The following CAMK1D variants were observed in gnomAD, a reference collection of about 807,000 sequenced individuals.
CAMK1D encodes calcium/calmodulin-dependent protein kinase type 1D.
A neutral mutation model predicts 47.7 loss-of-function variants in CAMK1D; 9 were observed. The ratio of observed to expected loss-of-function variants is 0.19; its 90% confidence interval spans 0.11 to 0.33. CAMK1D has a LOEUF of 0.33. CAMK1D is among the 10% of genes least tolerant of loss of function. The probability of loss-of-function intolerance (pLI) is 1.00; values close to 1 mark genes in which losing one functional copy is unlikely to be tolerated. For synonymous variants in CAMK1D, 184 were observed against 184.9 expected (o/e 0.99, Z 0.04); for missense variants, 291 against 488.7 (o/e 0.60, Z 3.81).
chr10:12,728,356 G>GGGCAGC (rs1834748690), intron 3 of CAMK1D, among the ~76,000 whole-genome samples: 1 of 152,190 alleles, frequency 6.6e-6, no homozygotes, highest in Non-Finnish European at 1.5e-5. Context: ...ACAGATTCTT[G>GGGCAGC]GGCAGCGCTA....
At chr10:12,613,822 C>A (rs1366207242) in intron 2 of CAMK1D, among the ~76,000 whole-genome samples, 2 of 152,306 alleles carry the variant, frequency 1.3e-5, no homozygotes, top group Admixed American at 1.3e-4. Context: ...TCACAGAGTT[C>A]TGGGTACGGT....
intron 1 of CAMK1D, among the ~76,000 whole-genome samples, chr10:12,539,446 A>G (rs1836092322): frequency 6.6e-6 from 1 of 152,202 alleles, no homozygotes; most frequent in Admixed American, 6.5e-5. Context: ...AGGGATGGCC[A>G]GTTGGGATTA....
chr10:12,591,264 T>C (rs1837986138), intron 2 of CAMK1D, among the ~76,000 whole-genome samples: 2 of 152,168 alleles, frequency 1.3e-5, no homozygotes, highest in South Asian at 2.1e-4. Flanking sequence ...CAATAACCCC[T>C]GTAGCAATTG....
chr10:12,729,464 C>T (rs1321811326), intron 3 of CAMK1D, among the ~76,000 whole-genome samples: 1 of 151,870 alleles, frequency 6.6e-6, no homozygotes, highest in Non-Finnish European at 1.5e-5. Context: ...AGCAAGACCT[C>T]GTCTCTACAG....
At chr10:12,423,881 C>T (rs1320034761) in intron 1 of CAMK1D, among the ~76,000 whole-genome samples, 2 of 152,176 alleles carry the variant, frequency 1.3e-5, no homozygotes, top group Non-Finnish European at 2.9e-5. Flanking sequence ...AAGCCTTGTG[C>T]TTGAGCCTCA....
chr10:12,614,126 T>G (rs1247368524), intron 2 of CAMK1D, among the ~76,000 whole-genome samples: 2 of 152,226 alleles, frequency 1.3e-5, no homozygotes, highest in Non-Finnish European at 2.9e-5. Context: ...GATTTTCTGC[T>G]TTGTAGCTCC....
chr10:12,784,274 T>C (rs755657518), intron 5 of CAMK1D, among the ~76,000 whole-genome samples: 1 of 150,018 alleles, frequency 6.7e-6, no homozygotes, highest in Non-Finnish European at 1.5e-5. Context: ...CTTGGCTCAC[T>C]GCAACCTCCA....
At chr10:12,458,282 G>A (rs1477510298) in intron 1 of CAMK1D, among the ~76,000 whole-genome samples, 1 of 152,186 alleles carries the variant, frequency 6.6e-6, no homozygotes, top group East Asian at 1.9e-4. Flanking sequence ...ACAAAAAGGT[G>A]ATTAGTGAGG....
rs373932374 is a variant in CAMK1D, at chr10:12,563,664, TGAGAGAGA to T, written c.224+10336_224+10343del. 4.5e-3 allele frequency among the ~76,000 whole-genome samples: 590 copies of T among 130,134 alleles called. 4 individuals carry two copies. Among genetic ancestry groups the T allele is most frequent in the African/African-American group, 0.016 (534 of 32,634 alleles). The allele number at this position is 130,134 out of a possible 152,430, so 85.4% of individuals were successfully genotyped here. A position where few individuals can be genotyped will look rare whatever the true frequency, so the allele number is the denominator to read the frequency against. ...GGCATTCCAGAAGAGGCGGAAGGTT[TGAGAGAGA>T]GAGAGAGAGAGAGAGAGAGAGAGAG... On this transcript the variant is annotated intron_variant, in intron 2 of 10. Transcript: ENST00000619168.
intron 1 of CAMK1D, among the ~76,000 whole-genome samples, chr10:12,501,051 G>T (rs1039810700): frequency 1.3e-5 from 2 of 152,134 alleles, no homozygotes; most frequent in African/African-American, 4.8e-5. Flanking sequence ...CCAGATCCCT[G>T]TCCACCGGAC....
At chr10:12,752,450 G>C (rs1681330063) in intron 3 of CAMK1D, among the ~76,000 whole-genome samples, 1 of 152,164 alleles carries the variant, frequency 6.6e-6, no homozygotes, top group African/African-American at 2.4e-5. Context: ...ACTCGGGAGG[G>C]TAGAAGGGGG....
chr10:12,419,640 GCA>G (rs111807347), intron 1 of CAMK1D, among the ~76,000 whole-genome samples: 6,670 of 147,000 alleles, frequency 0.045, 202 homozygotes, highest in African/African-American at 0.084. Context: ...AAGAGAAAAT[GCA>G]CACACACACA....
At chr10:12,486,518 C>A (rs1173270461) in intron 1 of CAMK1D, among the ~76,000 whole-genome samples, 4 of 117,502 alleles carry the variant, frequency 3.4e-5, no homozygotes, top group Admixed American at 1.8e-4. Context: ...CCCACGTGTG[C>A]ATGTGTGCGC....
chr10:12,451,900 T>G (rs1483813851), intron 1 of CAMK1D, among the ~76,000 whole-genome samples: 2 of 151,986 alleles, frequency 1.3e-5, no homozygotes, highest in African/African-American at 4.8e-5. Context: ...CCGATGGGCC[T>G]TCGACCACCG....
At chr10:12,700,891 A>T (rs1167605973) in intron 3 of CAMK1D, among the ~76,000 whole-genome samples, 3 of 152,218 alleles carry the variant, frequency 2.0e-5, no homozygotes. Context: ...GTGAATAATG[A>T]GGACTGACCA....
At chr10:12,749,527 G>T (rs11815709) in intron 3 of CAMK1D, among the ~76,000 whole-genome samples, 28,364 of 134,754 alleles carry the variant, frequency 0.21, 3,162 homozygotes, top group African/African-American at 0.31. Context: ...AAGTGTGGAT[G>T]TTTGTTTGTT....
intron 2 of CAMK1D, among the ~76,000 whole-genome samples, chr10:12,595,098 A>G (rs1343131553): frequency 6.6e-6 from 1 of 151,994 alleles, no homozygotes; most frequent in Non-Finnish European, 1.5e-5. Context: ...TCCCAACACT[A>G]TGGGAGGCTG....
At chr10:12,482,280 G>T (rs550026274) in intron 1 of CAMK1D, among the ~76,000 whole-genome samples, 1 of 152,150 alleles carries the variant, frequency 6.6e-6, no homozygotes, top group South Asian at 2.1e-4. Context: ...TTGGGAAGCT[G>T]GGGGTGGTTC....
At chr10:12,378,408 G>C (rs1169628043) in intron 1 of CAMK1D, among the ~76,000 whole-genome samples, 3 of 148,858 alleles carry the variant, frequency 2.0e-5, no homozygotes, top group Non-Finnish European at 4.4e-5. Context: ...ACCACACTTG[G>C]CAAACTTAAA....
Sources: allele counts gnomAD v4.1 joint callset (sites outside exome capture counted in the v4.1 genomes callset), GRCh38; gene constraint gnomAD v4.1.1; transcripts MANE v1.5; gene names NCBI Gene and HGNC (gene_info 2026-07-23, HGNC 2026-07-21).